ACYP2: variants seen among roughly 807,000 people sequenced by gnomAD.
The protein encoded by ACYP2 is acylphosphatase 2.
In ACYP2, 12 loss-of-function variants were observed where a neutral mutation model predicts 11.2. That is an observed-to-expected ratio of 1.08 (90% CI 0.69 to 1.74). The LOEUF is 1.74. Among genes scored for constraint, ACYP2 ranks in the 40% most tolerant of loss-of-function variants. ACYP2 has a pLI of 0.00. For synonymous variants in ACYP2, 43 were observed against 32.2 expected (o/e 1.33, Z -1.13); for missense variants, 134 against 101.9 (o/e 1.31, Z -1.35).
chr2:53,983,388 C>T (rs1156837698), intron 2 of ACYP2, among the ~76,000 whole-genome samples: 2 of 152,078 alleles, frequency 1.3e-5, no homozygotes, highest in African/African-American at 4.8e-5. Context: ...TGCCTGTAGT[C>T]CGAGCTACTT....
Position 54,049,263 on chromosome 2 carries a change from AAATAAT to A in ACYP2, c.63-1682_63-1677del, listed in dbSNP as rs10617454. ...GTGACAGAGTGAGACCCCATCTCAAAAATAATAATAATAATAATGAACTGACTAGTG... is the reference window on the plus strand; with the variant it reads ...GTGACAGAGTGAGACCCCATCTCAAAAATAATAATAATGAACTGACTAGTG... On this transcript the variant is annotated intron_variant, in intron 2 of 6. Transcript: ENST00000607452. 4.2e-3 allele frequency among the ~76,000 whole-genome samples: 635 copies of A among 151,608 alleles called. 7 individuals are homozygous for A. The highest frequency in any genetic ancestry group is 0.015 in the African/African-American group (606 of 41,224).
At chr2:54,251,909 C>T (rs1353795619) in intron 6 of ACYP2, among the ~76,000 whole-genome samples, 4 of 152,184 alleles carry the variant, frequency 2.6e-5, no homozygotes, top group Non-Finnish European at 5.9e-5. Context: ...TAACACAATC[C>T]ACTGTATGTA....
intron 4 of ACYP2, among the ~76,000 whole-genome samples, chr2:54,109,000 T>C (rs1038274155): frequency 6.6e-6 from 1 of 152,234 alleles, no homozygotes; most frequent in Non-Finnish European, 1.5e-5. Flanking sequence ...GATTATCTAC[T>C]TGTTCTTCTT....
intron 6 of ACYP2, among the ~76,000 whole-genome samples, chr2:54,164,321 C>T (rs1476153462): frequency 1.3e-5 from 2 of 152,116 alleles, no homozygotes; most frequent in Non-Finnish European, 2.9e-5. Flanking sequence ...GATTTAACTG[C>T]CAGGCTTTTG....
chr2:54,197,596 A>C (rs1258126378), intron 6 of ACYP2, among the ~76,000 whole-genome samples: 1 of 152,194 alleles, frequency 6.6e-6, no homozygotes, highest in Non-Finnish European at 1.5e-5. Context: ...GGCCAGGATG[A>C]GGGATGAGCT....
Position 54,115,597 on chromosome 2 carries a change from GGTGCGCCAAGCA to G in ACYP2, c.278-19853_278-19842del. On this transcript the variant is annotated intron_variant, in intron 4 of 6. Coordinates refer to ENST00000607452, the MANE Select transcript of ACYP2 (RefSeq NM_001320586.2). ...CGTCCGGGACCGGTGACAGGCGCGG[GGTGCGCCAAGCA>G]GTCCCATGTGTCCCCTCCCTCTCGC... 2 of 1,546,176 alleles carry G rather than the reference GGTGCGCCAAGCA, an allele frequency of 1.3e-6. No homozygotes were observed. The highest frequency in any genetic ancestry group is 3.9e-5 in the Admixed American group (2 of 50,794).
At chr2:54,007,936 C>T (rs967763797) in intron 2 of ACYP2, among the ~76,000 whole-genome samples, 1 of 152,116 alleles carries the variant, frequency 6.6e-6, no homozygotes, top group Non-Finnish European at 1.5e-5. Flanking sequence ...TACTATCATC[C>T]TTGCTTTAAG....
chr2:54,243,337 T>C (rs1025291943), intron 6 of ACYP2, among the ~76,000 whole-genome samples: 1 of 152,170 alleles, frequency 6.6e-6, no homozygotes, highest in African/African-American at 2.4e-5. Context: ...TACAGACCTA[T>C]ATGGCACGTT....
chr2:54,104,158 G>A (rs1679039923), intron 4 of ACYP2, among the ~76,000 whole-genome samples: 1 of 152,220 alleles, frequency 6.6e-6, no homozygotes, highest in Non-Finnish European at 1.5e-5. Flanking sequence ...CATCTGGCAT[G>A]TAGAATTAGG....
intron 2 of ACYP2, among the ~76,000 whole-genome samples, chr2:54,021,256 T>G (rs1391703562): frequency 3.9e-5 from 6 of 152,178 alleles, no homozygotes; most frequent in Non-Finnish European, 7.3e-5. Context: ...CATGGGTGAC[T>G]CAGGATGGAG....
intron 2 of ACYP2, among the ~76,000 whole-genome samples, chr2:54,024,112 G>A (rs145578120): frequency 2.8e-4 from 43 of 152,272 alleles, no homozygotes; most frequent in African/African-American, 8.7e-4. Context: ...GGTGGCTCAT[G>A]CCTGTAATCC....
At chr2:54,048,748 G>A (rs1675663379) in intron 2 of ACYP2, among the ~76,000 whole-genome samples, 1 of 152,200 alleles carries the variant, frequency 6.6e-6, no homozygotes, top group Non-Finnish European at 1.5e-5. Context: ...GTGCCTAAAT[G>A]TGCAGAATTG....
At chr2:54,000,593 C>T (rs528901022) in intron 2 of ACYP2, among the ~76,000 whole-genome samples, 37 of 152,346 alleles carry the variant, frequency 2.4e-4, no homozygotes, top group Non-Finnish European at 5.1e-4. Flanking sequence ...ATTTTTCACT[C>T]ATACTGCACA....
intron 6 of ACYP2, among the ~76,000 whole-genome samples, chr2:54,191,473 C>T (rs1178140166): frequency 6.6e-6 from 1 of 152,208 alleles, no homozygotes; most frequent in African/African-American, 2.4e-5. Flanking sequence ...TGGAGCCAGA[C>T]TCTCTGGGGT....
At chr2:54,275,186 C>T (rs916729094) in intron 6 of ACYP2, among the ~76,000 whole-genome samples, 2 of 152,186 alleles carry the variant, frequency 1.3e-5, no homozygotes, top group African/African-American at 4.8e-5. Context: ...ATTGAGGCTG[C>T]TTTTCTTTAT....
At chr2:54,078,826 G>A (rs1031403535) in intron 4 of ACYP2, among the ~76,000 whole-genome samples, 2 of 152,100 alleles carry the variant, frequency 1.3e-5, no homozygotes, top group African/African-American at 4.8e-5. Context: ...TGGAACTCCT[G>A]ACCTCAAGTG....
Position 54,216,590 on chromosome 2 carries a change from C to T in ACYP2, c.404+77842C>T, listed in dbSNP as rs182925342. 1.6e-3 allele frequency among the ~76,000 whole-genome samples: 232 copies of T among 149,602 alleles called. 4 individuals are homozygous for T. The highest frequency in any genetic ancestry group is 0.013 in the Admixed American group (199 of 14,864). ...TATCGCTATGTCACCTAGGCTGGAA[C>T]GCAGTGGCGCAGTCTCAGCTCACTG... On this transcript the variant is annotated intron_variant, in intron 6 of 6. Coordinates refer to ENST00000607452, the MANE Select transcript of ACYP2 (RefSeq NM_001320586.2).
intron 4 of ACYP2, among the ~76,000 whole-genome samples, chr2:54,128,648 C>T (rs1202447570): frequency 6.6e-6 from 1 of 152,134 alleles, no homozygotes; most frequent in Non-Finnish European, 1.5e-5. Flanking sequence ...GCCTGGGCAA[C>T]AGAGTGAGAC....
chr2:54,200,485 T>C (rs556592760), intron 6 of ACYP2, among the ~76,000 whole-genome samples: 1 of 152,322 alleles, frequency 6.6e-6, no homozygotes, highest in East Asian at 1.9e-4. Flanking sequence ...TTGCCTATTA[T>C]GGACATTTCA....
Sources: allele counts gnomAD v4.1 joint callset (sites outside exome capture counted in the v4.1 genomes callset), GRCh38; gene constraint gnomAD v4.1.1; transcripts MANE v1.5; gene names NCBI Gene and HGNC (gene_info 2026-07-23, HGNC 2026-07-21).